FGF14: variants seen among roughly 807,000 people sequenced by gnomAD.
FGF14 encodes fibroblast growth factor 14, also known as fibroblast growth factor homologous factor 4.
FGF14 carries 5 observed loss-of-function variants against 25.5 expected under a neutral mutation model. The ratio of observed to expected loss-of-function variants is 0.20; its 90% CI spans 0.10 to 0.41. The LOEUF (loss-of-function observed/expected upper bound fraction) is 0.41, where lower values mean the gene tolerates loss of function less well. Ranked by LOEUF, FGF14 falls within the 10% of genes least tolerant of loss-of-function variation. FGF14 has a pLI of 1.00. For missense variants in FGF14, 222 were observed against 320.1 expected (o/e 0.69, Z 2.34); for synonymous variants, 138 against 118.3 (o/e 1.17, Z -1.08).
At chr13:102,028,592 A>G (rs2041052443) in intron 1 of FGF14, among the ~76,000 whole-genome samples, 1 of 152,066 alleles carries the variant, frequency 6.6e-6, no homozygotes, top group Non-Finnish European at 1.5e-5. Flanking sequence ...TTACACTTCT[A>G]TAGACATTTA....
chr13:102,356,226 A>G (rs2057414166), intron 1 of FGF14, among the ~76,000 whole-genome samples: 1 of 152,266 alleles, frequency 6.6e-6, no homozygotes, highest in South Asian at 2.1e-4. Flanking sequence ...ATGTAAAGCT[A>G]GACCCAGAAA....
At chr13:101,820,815 A>G (rs1041940052) in intron 3 of FGF14, among the ~76,000 whole-genome samples, 1 of 151,182 alleles carries the variant, frequency 6.6e-6, no homozygotes, top group Non-Finnish European at 1.5e-5. Context: ...CAACACACAC[A>G]CACACACCAC....
chr13:101,938,104 G>T (rs138261601), intron 1 of FGF14, among the ~76,000 whole-genome samples: 1 of 152,306 alleles, frequency 6.6e-6, no homozygotes, highest in Non-Finnish European at 1.5e-5. Flanking sequence ...GTCCTCATGG[G>T]GTTCTGCCAG....
At chr13:101,738,683 G>A (rs916686800) in intron 3 of FGF14, among the ~76,000 whole-genome samples, 1 of 152,076 alleles carries the variant, frequency 6.6e-6, no homozygotes, top group African/African-American at 2.4e-5. Context: ...AGCTGTGAAA[G>A]TTCACCATGC....
chr13:102,205,454 G>A (rs1017199047), intron 1 of FGF14, among the ~76,000 whole-genome samples: 8 of 152,008 alleles, frequency 5.3e-5, no homozygotes, highest in Admixed American at 3.3e-4. Context: ...CTAAAGTACT[G>A]TAGGTATTGT....
At chr13:101,977,619 C>A (rs55683911) in intron 1 of FGF14, among the ~76,000 whole-genome samples, 2 of 152,066 alleles carry the variant, frequency 1.3e-5, no homozygotes, top group African/African-American at 4.8e-5. Context: ...CTGAGCTGGA[C>A]AAGAGAGCAG....
intron 1 of FGF14, among the ~76,000 whole-genome samples, chr13:102,343,312 G>C (rs993024776): frequency 1.3e-5 from 2 of 152,162 alleles, no homozygotes; most frequent in Non-Finnish European, 2.9e-5. Flanking sequence ...AGGAGGGATT[G>C]GTCAATCCCT....
At chr13:102,066,658 GA>G (rs929000009) in intron 1 of FGF14, among the ~76,000 whole-genome samples, 26 of 152,238 alleles carry the variant, frequency 1.7e-4, no homozygotes, top group Middle Eastern at 6.8e-3. Context: ...TTTTAACAAG[GA>G]AGTATTTCTC....
chr13:101,808,249 A>C (rs1340985106), intron 3 of FGF14, among the ~76,000 whole-genome samples: 1 of 152,090 alleles, frequency 6.6e-6, no homozygotes, highest in Non-Finnish European at 1.5e-5. Context: ...TGAATCTACT[A>C]AATATCCTTC....
At chr13:101,824,515 T>C (rs910882135) in intron 3 of FGF14, among the ~76,000 whole-genome samples, 1 of 152,216 alleles carries the variant, frequency 6.6e-6, no homozygotes, top group Non-Finnish European at 1.5e-5. Flanking sequence ...GCCATTTTCA[T>C]CTAAGGTAAA....
At chr13:102,306,229 T>G (rs985331846) in intron 1 of FGF14, among the ~76,000 whole-genome samples, 2 of 152,170 alleles carry the variant, frequency 1.3e-5, no homozygotes, top group African/African-American at 4.8e-5. Context: ...ATCAGTACAC[T>G]GGAATACAGC....
chr13:101,782,442 T>C (rs916444991), intron 3 of FGF14, among the ~76,000 whole-genome samples: 6 of 152,196 alleles, frequency 3.9e-5, no homozygotes, highest in African/African-American at 1.4e-4. Context: ...ATAGGTCACC[T>C]GTATCATGGG....
chr13:102,096,231 G>T (rs2044393596), intron 1 of FGF14, among the ~76,000 whole-genome samples: 1 of 151,938 alleles, frequency 6.6e-6, no homozygotes, highest in South Asian at 2.1e-4. Flanking sequence ...GAACTAAAAA[G>T]AAACAAAATT....
rs1274914392 is a variant in FGF14, at chr13:101,714,678, A to G, written c.*8153T>C. On this transcript the variant is annotated 3_prime_UTR_variant, in exon 5 of 5. Coordinates refer to ENST00000376143, the MANE Select transcript of FGF14 (RefSeq NM_004115.4). ...ACCGTGAATATGAAATATCTACCAA[A>G]GGCGAAGTGGGCATTTGGGAAAAAG... 2 of 651,586 alleles carry G rather than the reference A, an allele frequency of 3.1e-6. No homozygotes were observed. Among genetic ancestry groups the G allele is most frequent in the Non-Finnish European group, 5.5e-6 (2 of 361,024 alleles). The allele number at this position is 651,586 out of a possible 1,614,324, so 40.4% of individuals were successfully genotyped here. A position where few individuals can be genotyped will look rare whatever the true frequency, so the allele number is the denominator to read the frequency against.
intron 1 of FGF14, among the ~76,000 whole-genome samples, chr13:102,291,753 G>A (rs932319374): frequency 5.9e-5 from 9 of 152,094 alleles, no homozygotes; most frequent in Middle Eastern, 6.8e-3. Flanking sequence ...CAGCAGCTAC[G>A]TACACCTGAA....
intron 3 of FGF14, among the ~76,000 whole-genome samples, chr13:101,845,104 G>A (rs79736668): frequency 0.025 from 3,776 of 152,108 alleles, 68 homozygotes; most frequent in Middle Eastern, 0.041. Context: ...GTCAGGTAAT[G>A]TCAGCAACTC....
chr13:102,060,436 G>A (rs1402105956), intron 1 of FGF14, among the ~76,000 whole-genome samples: 1 of 152,164 alleles, frequency 6.6e-6, no homozygotes, highest in African/African-American at 2.4e-5. Flanking sequence ...TGAGGCCAGA[G>A]AATGGCATGA....
chr13:102,036,486 AGC>A (rs1313224694), intron 1 of FGF14, among the ~76,000 whole-genome samples: 1 of 152,174 alleles, frequency 6.6e-6, no homozygotes, highest in Admixed American at 6.6e-5. Flanking sequence ...AGAGGGAAGC[AGC>A]TCAGGTTCAA....
At chr13:102,093,986 ATAAACTC>A (rs933026867) in intron 1 of FGF14, among the ~76,000 whole-genome samples, 1 of 150,688 alleles carries the variant, frequency 6.6e-6, no homozygotes, top group Non-Finnish European at 1.5e-5. Context: ...AGGCATATCT[ATAAACTC>A]TAATATGATT....
Sources: allele counts gnomAD v4.1 joint callset (sites outside exome capture counted in the v4.1 genomes callset), GRCh38; gene constraint gnomAD v4.1.1; transcripts MANE v1.5; gene names NCBI Gene and HGNC (gene_info 2026-07-23, HGNC 2026-07-21).